Variants in SPOCK3 observed in about 807,000 individuals in gnomAD.
SPOCK3 encodes SPARC (osteonectin), cwcv and kazal like domains proteoglycan 3, also known as testican-3.
Under a neutral mutation model 56.6 loss-of-function variants are expected in SPOCK3, and 30 were observed. The ratio of observed to expected loss-of-function variants is 0.53; its 90% CI spans 0.40 to 0.72. The LOEUF is 0.72. Among genes scored for constraint, SPOCK3 ranks in the 30% least tolerant of loss-of-function variants. The pLI is 0.00. For synonymous variants in SPOCK3, 196 were observed against 183.3 expected (o/e 1.07, Z -0.56); for missense variants, 527 against 530.0 (o/e 0.99, Z 0.06).
intron 7 of SPOCK3, among the ~76,000 whole-genome samples, chr4:166,786,039 C>G (rs114944788): frequency 0.011 from 1,666 of 152,098 alleles, 31 homozygotes; most frequent in African/African-American, 0.037. Context: ...ATTCATATAT[C>G]AGGTAGCAAT....
Position 166,764,546 on chromosome 4 carries a change from T to G in SPOCK3, c.710-9817A>C, listed in dbSNP as rs527906833. 1.6e-4 allele frequency among the ~76,000 whole-genome samples: 24 copies of G among 152,276 alleles called. No individual in the cohort carries two copies. In the South Asian group the frequency reaches 2.9e-3, roughly 18 times the overall value. ...CATCCTTTTTTATGGCTGCCTAGTA[T>G]TCCACGGTGTATATGTGCCACATTT... On this transcript the variant is annotated intron_variant, in intron 7 of 10. Coordinates refer to ENST00000357545, the MANE Select transcript of SPOCK3 (RefSeq NM_001040159.2).
At chr4:167,040,970 C>T (rs375849901) in intron 3 of SPOCK3, among the ~76,000 whole-genome samples, 2 of 152,190 alleles carry the variant, frequency 1.3e-5, no homozygotes, top group South Asian at 2.1e-4. Context: ...CAGCAGCTTT[C>T]TCATGAGGTC....
intron 2 of SPOCK3, among the ~76,000 whole-genome samples, chr4:167,117,396 G>A (rs975817959): frequency 2.5e-4 from 38 of 152,056 alleles, no homozygotes; most frequent in African/African-American, 6.8e-4. Flanking sequence ...GGGGCCATAT[G>A]AGGAAGCCTG....
At chr4:167,220,666 C>A (rs571573232) in intron 2 of SPOCK3, among the ~76,000 whole-genome samples, 1 of 151,864 alleles carries the variant, frequency 6.6e-6, no homozygotes, top group East Asian at 1.9e-4. Context: ...AATTAACAGG[C>A]GTGAGCCATC....
At chr4:167,118,841 T>C (rs1761635702) in intron 2 of SPOCK3, among the ~76,000 whole-genome samples, 1 of 152,154 alleles carries the variant, frequency 6.6e-6, no homozygotes, top group South Asian at 2.1e-4. Context: ...CAGGGGTCAA[T>C]AGCAAATCTA....
At chr4:167,017,747 T>C (rs1048407151) in intron 3 of SPOCK3, among the ~76,000 whole-genome samples, 1 of 152,100 alleles carries the variant, frequency 6.6e-6, no homozygotes, top group Non-Finnish European at 1.5e-5. Flanking sequence ...AGTGTGTGTA[T>C]GCATGTGTGT....
intron 7 of SPOCK3, among the ~76,000 whole-genome samples, chr4:166,762,232 T>G (rs1321880146): frequency 6.6e-6 from 1 of 152,072 alleles, no homozygotes; most frequent in African/African-American, 2.4e-5. Flanking sequence ...AAATGTAAGG[T>G]TAAAAATGTA....
At chr4:166,837,385 T>A (rs1304916678) in intron 6 of SPOCK3, among the ~76,000 whole-genome samples, 1 of 152,126 alleles carries the variant, frequency 6.6e-6, no homozygotes, top group South Asian at 2.1e-4. Flanking sequence ...CCCAGGCTAC[T>A]CTCAAACTCC....
Position 167,174,106 on chromosome 4 carries a change from C to T in SPOCK3, c.189+59879G>A, listed in dbSNP as rs1056275207. Among the ~76,000 whole-genome samples, 21 of 152,134 alleles carry T rather than the reference C, an allele frequency of 1.4e-4. 1 individual carries two copies. In the South Asian group the frequency reaches 2.1e-3, roughly 15 times the overall value. On this transcript the variant is annotated intron_variant, in intron 2 of 10. Transcript: ENST00000357545. ...TGAAACAATAACATTTTATTCCTTA[C>T]TTATTTATGCAAGAACACATGGAAT... is the stretch of plus-strand genomic sequence containing the variant.
chr4:167,152,349 C>T (rs771227876), intron 2 of SPOCK3, among the ~76,000 whole-genome samples: 8 of 152,072 alleles, frequency 5.3e-5, no homozygotes, highest in African/African-American at 1.4e-4. Flanking sequence ...TGAAGAGAGC[C>T]GCAAAATGAT....
At chr4:166,812,257 C>A (rs1401913326) in intron 6 of SPOCK3, among the ~76,000 whole-genome samples, 2 of 151,796 alleles carry the variant, frequency 1.3e-5, no homozygotes, top group African/African-American at 4.8e-5. Flanking sequence ...TTTTCTATGA[C>A]CCAATATATG....
At chr4:167,173,593 T>C (rs1463495860) in intron 2 of SPOCK3, among the ~76,000 whole-genome samples, 2 of 152,128 alleles carry the variant, frequency 1.3e-5, no homozygotes, top group Non-Finnish European at 2.9e-5. Flanking sequence ...ATACAAAGAA[T>C]ATTCCAACTC....
intron 2 of SPOCK3, among the ~76,000 whole-genome samples, chr4:167,217,766 GCC>G (rs1735510412): frequency 6.6e-6 from 1 of 151,968 alleles, no homozygotes; most frequent in Non-Finnish European, 1.5e-5. Flanking sequence ...TATAACATGT[GCC>G]CAACTTAAAA....
chr4:166,939,186 A>G (rs1040198581), intron 4 of SPOCK3, among the ~76,000 whole-genome samples: 1 of 152,172 alleles, frequency 6.6e-6, no homozygotes, highest in African/African-American at 2.4e-5. Context: ...GTAATGTAAT[A>G]TAATTAAAAA....
intron 4 of SPOCK3, among the ~76,000 whole-genome samples, chr4:166,976,605 C>T (rs1561076219): frequency 6.6e-6 from 1 of 152,106 alleles, no homozygotes; most frequent in Admixed American, 6.6e-5. Context: ...TCCCGGCTAC[C>T]CTAATTAGTC....
At chr4:167,177,207 G>A (rs1286929298) in intron 2 of SPOCK3, among the ~76,000 whole-genome samples, 1 of 152,046 alleles carries the variant, frequency 6.6e-6, no homozygotes, top group East Asian at 1.9e-4. Context: ...GGGTATGGTA[G>A]AGGATGGCAA....
At chr4:166,897,802 CACAG>C (rs1735548853) in intron 5 of SPOCK3, among the ~76,000 whole-genome samples, 2 of 152,168 alleles carry the variant, frequency 1.3e-5, no homozygotes, top group Admixed American at 6.6e-5. Flanking sequence ...ACACAAGTCT[CACAG>C]ACCATATTAG....
chr4:167,033,115 G>C, intron 3 of SPOCK3, among the ~76,000 whole-genome samples: 1 of 151,788 alleles, frequency 6.6e-6, no homozygotes, highest in East Asian at 1.9e-4. Context: ...ATGGTATCAT[G>C]ACATCATCAT....
intron 7 of SPOCK3, among the ~76,000 whole-genome samples, chr4:166,772,783 T>G (rs1739097789): frequency 6.6e-6 from 1 of 152,070 alleles, no homozygotes; most frequent in Admixed American, 6.6e-5. Flanking sequence ...ATCTTGAGGT[T>G]TCTTTCCTTT....
Sources: allele counts gnomAD v4.1 joint callset (sites outside exome capture counted in the v4.1 genomes callset), GRCh38; gene constraint gnomAD v4.1.1; transcripts MANE v1.5; gene names NCBI Gene and HGNC (gene_info 2026-07-23, HGNC 2026-07-21).